Variants in RIN2 observed in about 807,000 individuals in gnomAD.
The protein encoded by RIN2 is RAB5 interacting protein 2.
A neutral mutation model predicts 78.0 loss-of-function variants in RIN2; 36 were observed. That is an observed-to-expected ratio of 0.46 (90% CI 0.35 to 0.61). The LOEUF is 0.61. Ranked by LOEUF, RIN2 falls within the 20% of genes least tolerant of loss-of-function variation. RIN2 has a pLI of 0.00. For synonymous variants in RIN2, 466 were observed against 466.8 expected (o/e 1.00, Z 0.02); for missense variants, 1,087 against 1,159.7 (o/e 0.94, Z 0.91).
At position 19,993,085 on chromosome 20, in the gene RIN2, A is replaced by G. The variant is rs577019042; in HGVS notation, c.2200+786A>G. Among the ~76,000 whole-genome samples, 7 of 152,344 alleles carry G rather than the reference A, an allele frequency of 4.6e-5. No individual in the cohort carries two copies. The South Asian group carries it at 1.0e-3, about 23-fold the overall frequency. On this transcript the variant is annotated intron_variant, in intron 11 of 12. Coordinates refer to ENST00000255006, the MANE Select transcript of RIN2 (RefSeq NM_018993.4). Reference sequence around the variant, plus strand: ...CTTACACATAGCTTAGGTATTTTACATGGAAATGATTAGGATGTTTGGCAC... The same window carrying G: ...CTTACACATAGCTTAGGTATTTTACGTGGAAATGATTAGGATGTTTGGCAC...
intron 2 of RIN2, among the ~76,000 whole-genome samples, chr20:19,875,126 G>A (rs1019245380): frequency 1.3e-4 from 20 of 151,624 alleles, no homozygotes; most frequent in Non-Finnish European, 2.4e-4. Context: ...CCCCCAAAGA[G>A]CTGGGATTAC....
At chr20:19,789,982 C>T (rs1323868023) in intron 1 of RIN2, among the ~76,000 whole-genome samples, 1 of 152,136 alleles carries the variant, frequency 6.6e-6, no homozygotes, top group Non-Finnish European at 1.5e-5. Flanking sequence ...AACATCTTTT[C>T]CTAAACATGG....
intron 8 of RIN2, 62 bp from the exon 9 acceptor site, chr20:19,974,592 G>T: frequency 6.6e-7 from 1 of 1,513,718 alleles, no homozygotes; most frequent in Admixed American, 1.9e-5. Context: ...TTTTTAATTT[G>T]TGAAGGAATG....
chr20:19,818,835 C>G (rs542642530), intron 2 of RIN2, among the ~76,000 whole-genome samples: 1 of 148,800 alleles, frequency 6.7e-6, no homozygotes, highest in Non-Finnish European at 1.5e-5. Context: ...ATATCAAAAA[C>G]AGCAAAAATT....
At chr20:19,852,982 C>T (rs1213036664) in intron 2 of RIN2, among the ~76,000 whole-genome samples, 3 of 151,256 alleles carry the variant, frequency 2.0e-5, no homozygotes, top group East Asian at 2.0e-4. Context: ...GTGCTGCACC[C>T]ATTAACTCGT....
intron 2 of RIN2, among the ~76,000 whole-genome samples, chr20:19,807,758 A>G (rs1015437957): frequency 6.6e-6 from 1 of 152,204 alleles, no homozygotes; most frequent in Non-Finnish European, 1.5e-5. Flanking sequence ...TTTTAGGAGA[A>G]GGTTTTGGAT....
chr20:19,948,474 A>C (rs1366932851), intron 4 of RIN2, among the ~76,000 whole-genome samples: 3 of 152,114 alleles, frequency 2.0e-5, no homozygotes, highest in African/African-American at 7.2e-5. Context: ...GGCTTACTGC[A>C]ACCTCCGCCT....
intron 2 of RIN2, among the ~76,000 whole-genome samples, chr20:19,846,303 A>G (rs948642096): frequency 6.6e-6 from 1 of 152,180 alleles, no homozygotes; most frequent in African/African-American, 2.4e-5. Context: ...CATTAAATCT[A>G]TAAATTACTT....
chr20:19,782,845 A>C (rs140199854), intron 1 of RIN2, among the ~76,000 whole-genome samples: 210 of 152,246 alleles, frequency 1.4e-3, no homozygotes, highest in Non-Finnish European at 2.5e-3. Context: ...AGATGTATTG[A>C]CTTCATGGCC....
At chr20:19,916,571 A>T (rs987801355) in intron 3 of RIN2, among the ~76,000 whole-genome samples, 10 of 152,242 alleles carry the variant, frequency 6.6e-5, no homozygotes, top group Non-Finnish European at 1.2e-4. Context: ...CTCCAGCTCC[A>T]GCCTGGGCGA....
In RIN2 at chr20:19,976,464, T is replaced by C. The variant is rs181579822; in HGVS notation, c.1762+677T>C. On this transcript the variant is annotated intron_variant, in intron 9 of 12. Coordinates refer to ENST00000255006, the MANE Select transcript of RIN2 (RefSeq NM_018993.4). ...TTGTTTTGTGTAACTTTAAAATAAG[T>C]AACATAGTTTGGAGGTCACATGAAA... 4.1e-4 allele frequency among the ~76,000 whole-genome samples: 62 copies of C among 152,298 alleles called. 1 individual carries two copies. The East Asian group carries it at 0.012, about 29-fold the overall frequency.
intron 7 of RIN2, among the ~76,000 whole-genome samples, chr20:19,968,605 G>A (rs1220473042): frequency 6.6e-6 from 1 of 152,136 alleles, no homozygotes; most frequent in African/African-American, 2.4e-5. Flanking sequence ...CCAAGGACAG[G>A]TGTGGCTTCC....
At chr20:19,874,355 T>C (rs1342309429) in intron 2 of RIN2, among the ~76,000 whole-genome samples, 1 of 152,206 alleles carries the variant, frequency 6.6e-6, no homozygotes, top group Non-Finnish European at 1.5e-5. Flanking sequence ...AGCAGGAACC[T>C]AAACTGGTAT....
chr20:19,923,993 C>A (rs887286525), intron 3 of RIN2, among the ~76,000 whole-genome samples: 2 of 146,694 alleles, frequency 1.4e-5, no homozygotes, highest in South Asian at 2.2e-4. Context: ...TTCATACCCC[C>A]ACCTTTATAC....
Position 19,844,507 on chromosome 20 carries a change from G to C in RIN2, c.-37+44760G>C, listed in dbSNP as rs149998359. 2.6e-3 allele frequency among the ~76,000 whole-genome samples: 403 copies of C among 152,268 alleles called. 1 individual carries two copies. Among genetic ancestry groups the C allele is most frequent in the Non-Finnish European group, 3.9e-3 (264 of 68,026 alleles). On this transcript the variant is annotated intron_variant, in intron 2 of 12. Transcript: ENST00000255006. ...GGGACACAAGCTCAAAAACTAGGTA[G>C]TCAAGCAAATGGGTGCATGGCTGGT...
intron 3 of RIN2, among the ~76,000 whole-genome samples, chr20:19,918,863 A>G (rs1349659598): frequency 6.6e-6 from 1 of 152,138 alleles, no homozygotes; most frequent in African/African-American, 2.4e-5. Context: ...TTTGCAAGGG[A>G]ATATTTTGTG....
chr20:19,962,547 T>G lies in RIN2; in HGVS notation c.463+1736T>G, dbSNP rs146534707. ...GCCTCTAATCACTTCCCTAATCTTC[T>G]CCAGGTGACTTCAAGTGGTTAAAAG... On this transcript the variant is annotated intron_variant, in intron 6 of 12. Coordinates refer to ENST00000255006, the MANE Select transcript of RIN2 (RefSeq NM_018993.4). 3.6e-3 allele frequency among the ~76,000 whole-genome samples: 555 copies of G among 152,274 alleles called. 1 individual carries two copies. The highest frequency in any genetic ancestry group is 0.012 in the African/African-American group (502 of 41,554).
chr20:19,975,068 T>C lies in RIN2; in HGVS notation c.1043T>C (p.Leu348Pro), dbSNP rs754470406. 44 of 1,613,378 alleles carry C rather than the reference T, an allele frequency of 2.7e-5. No homozygotes were observed. The South Asian group carries it at 4.5e-4, about 17-fold the overall frequency. ...CATAACAAACATGGGAACGTAGCTC[T>C]GCCTGGAACGAAACCAACTCCCATC... ...VNHNKHGNVA[L>P]PGTKPTPIPP... The change falls in exon 9 of 13, where the codon CTG becomes CCG. Residue 348 changes from leucine to proline, a missense_variant. Coordinates refer to ENST00000255006, the MANE Select transcript of RIN2 (RefSeq NM_018993.4). The surrounding 1 kb of genome is among the most constrained non-coding windows in gnomAD (Gnocchi z 4.9).
At chr20:19,911,021 T>TACACACAC (rs2039442094) in intron 3 of RIN2, among the ~76,000 whole-genome samples, 1 of 152,006 alleles carries the variant, frequency 6.6e-6, no homozygotes, top group African/African-American at 2.4e-5. Flanking sequence ...TACACACACA[T>TACACACAC]ACACACACAT....
Sources: gnomAD v4.1 joint callset for allele counts (sites outside exome capture counted in the v4.1 genomes callset) on GRCh38, gnomAD v4.1.1 for gene constraint, Gnocchi (gnomAD v3.1) non-coding constraint, MANE v1.5 for transcripts, NCBI Gene and HGNC (gene_info 2026-07-23, HGNC 2026-07-21) for gene names.